The following MRPL1 variants were observed in gnomAD, a reference collection of about 807,000 sequenced individuals.
The protein encoded by MRPL1 is large ribosomal subunit protein uL1m.
MRPL1 carries 28 observed loss-of-function variants against 38.0 expected under a neutral mutation model. That is an observed-to-expected ratio of 0.74 (90% CI 0.55 to 1.01). MRPL1 has a LOEUF of 1.01. Ranked by LOEUF, MRPL1 falls within the 50% of genes least tolerant of loss-of-function variation. MRPL1 has a pLI of 0.00. For missense variants in MRPL1, 358 were observed against 389.8 expected, an observed-to-expected ratio of 0.92 and a Z score of 0.69; for synonymous variants, 123 against 126.7, an observed-to-expected ratio of 0.97 and a Z score of 0.20.
chr4:77,907,099 A>G, intron 6 of MRPL1: 2 of 985,396 alleles, frequency 2.0e-6, no homozygotes, highest in South Asian at 9.4e-5. Context: ...CATCTATGGA[A>G]GACTTGCTTG....
rs1388564321 is a variant in MRPL1 at position 77,949,781 on chromosome 4, T to C, written c.778-16T>C. 4 of 1,483,346 alleles carry C rather than the reference T, an allele frequency of 2.7e-6. No individual in the cohort carries two copies. The highest frequency in any genetic ancestry group is 3.8e-6 in the Non-Finnish European group (4 of 1,064,672). 91.9% of individuals were successfully genotyped at this position (1,483,346 alleles called of 1,614,324 possible). On this transcript the variant is annotated splice_polypyrimidine_tract_variant and intron_variant, in intron 7 of 8. Transcript: ENST00000315567. ...GCTTTCTCATCATTAATGTTATGTA[T>C]ATTATTTTCTTTCAGTTGGATATGT... is the stretch of plus-strand genomic sequence containing the variant.
intron 2 of MRPL1, among the ~76,000 whole-genome samples, chr4:77,881,491 T>A (rs1735540024): frequency 6.7e-6 from 1 of 148,944 alleles, no homozygotes; most frequent in Non-Finnish European, 1.5e-5. Context: ...GTCACCTACC[T>A]GGAGTGCACT....
At chr4:77,946,185 T>G (rs1737264403) in intron 7 of MRPL1, among the ~76,000 whole-genome samples, 3 of 152,112 alleles carry the variant, frequency 2.0e-5, no homozygotes, top group Admixed American at 2.0e-4. Context: ...GTCTTAATAT[T>G]TAAAAGAATT....
rs369561906 is a variant in MRPL1 at position 77,865,238 on chromosome 4, G to T, written c.31+2359G>T. ...TTATCAAATTTATATCTACAGTTGG[G>T]ATCACTCTTCTGAACTTTAGATTCT... On this transcript the variant is annotated intron_variant, in intron 1 of 8. Transcript: ENST00000315567. Among the ~76,000 whole-genome samples, 9 of 152,192 alleles carry T rather than the reference G, an allele frequency of 5.9e-5. No homozygotes were observed. The East Asian group carries it at 1.4e-3, about 23-fold the overall frequency.
At chr4:77,920,340 A>G (rs1250931259) in intron 7 of MRPL1, among the ~76,000 whole-genome samples, 1 of 152,230 alleles carries the variant, frequency 6.6e-6, no homozygotes, top group Admixed American at 6.5e-5. Flanking sequence ...ATTTTTTGAC[A>G]AATCATAAAA....
chr4:77,931,212 G>A (rs1294767304), intron 7 of MRPL1, among the ~76,000 whole-genome samples: 4 of 152,190 alleles, frequency 2.6e-5, no homozygotes, highest in Non-Finnish European at 5.9e-5. Flanking sequence ...ACGTGAACAC[G>A]AAGAACAGAA....
chr4:77,877,874 G>A (rs1012919066), intron 2 of MRPL1, among the ~76,000 whole-genome samples: 5 of 151,484 alleles, frequency 3.3e-5, no homozygotes, highest in African/African-American at 1.2e-4. Flanking sequence ...GTGTTTACCT[G>A]TGCCTTTTCC....
intron 7 of MRPL1, among the ~76,000 whole-genome samples, chr4:77,910,822 CATT>C: frequency 6.6e-6 from 1 of 152,270 alleles, no homozygotes; most frequent in Middle Eastern, 3.4e-3. Flanking sequence ...AGCTTGCCAT[CATT>C]ATCATCAAAG....
rs759737459 is a variant in MRPL1 at position 77,883,307 on chromosome 4, A to G, written c.209A>G (p.Glu70Gly). ...CCAGATGAGAAAAAAGATGAAATAG[A>G]AAAAATAAAAGCATATCCCTATATG... ...KTPDEKKDEI[E>G]KIKAYPYMEG... Residue 70 changes from glutamate to glycine, a missense_variant, in exon 3 of 9, where the codon GAA (glutamate) becomes GGA (glycine). By Grantham distance (98) the Glu-to-Gly change is moderately conservative. Transcript: ENST00000315567. 3.7e-6 allele frequency: 6 copies of G among 1,604,818 alleles called. No individual in the cohort carries two copies. The highest frequency in any genetic ancestry group is 5.1e-6 in the Non-Finnish European group (6 of 1,177,700).
intron 7 of MRPL1, among the ~76,000 whole-genome samples, chr4:77,911,286 G>T (rs1396002695): frequency 6.6e-6 from 1 of 152,046 alleles, no homozygotes; most frequent in Non-Finnish European, 1.5e-5. Context: ...AGTATATTTA[G>T]TAGTTAATAG....
At chr4:77,948,213 G>A (rs1340987444) in intron 7 of MRPL1, among the ~76,000 whole-genome samples, 1 of 152,106 alleles carries the variant, frequency 6.6e-6, no homozygotes, top group Non-Finnish European at 1.5e-5. Flanking sequence ...CTTTAGCGGG[G>A]GGTGTAGAAT....
intron 7 of MRPL1, among the ~76,000 whole-genome samples, chr4:77,941,267 GAAA>G (rs76939382): frequency 7.8e-6 from 1 of 128,006 alleles, no homozygotes; most frequent in Admixed American, 8.0e-5. Context: ...CTCTGCCTCA[GAAA>G]AAAAAAAAAA....
At chr4:77,887,882 T>C (rs1207080145) in intron 5 of MRPL1, among the ~76,000 whole-genome samples, 2 of 152,178 alleles carry the variant, frequency 1.3e-5, no homozygotes, top group South Asian at 2.1e-4. Context: ...ATTACTATTT[T>C]TCGCTTCTTT....
chr4:77,904,082 C>T (rs1357329024), intron 6 of MRPL1, among the ~76,000 whole-genome samples: 2 of 60,778 alleles, frequency 3.3e-5, no homozygotes, highest in Non-Finnish European at 6.0e-5. Context: ...CAAATCTCTA[C>T]TTAAAAAAAA....
At chr4:77,930,700 A>G (rs907699818) in intron 7 of MRPL1, among the ~76,000 whole-genome samples, 4 of 152,224 alleles carry the variant, frequency 2.6e-5, no homozygotes, top group Non-Finnish European at 4.4e-5. Flanking sequence ...TTATAATGGC[A>G]GGTAAGCTGA....
At chr4:77,907,809 C>T (rs1326017372) in intron 6 of MRPL1, among the ~76,000 whole-genome samples, 2 of 152,082 alleles carry the variant, frequency 1.3e-5, no homozygotes, top group Non-Finnish European at 2.9e-5. Context: ...AGTAATCTGC[C>T]CACCACGGCC....
chr4:77,900,383 A>G (rs1736005613), intron 6 of MRPL1, among the ~76,000 whole-genome samples: 1 of 152,210 alleles, frequency 6.6e-6, no homozygotes, highest in Non-Finnish European at 1.5e-5. Context: ...GCTGCACTAA[A>G]ATGCAATAAG....
intron 5 of MRPL1, among the ~76,000 whole-genome samples, chr4:77,892,212 AC>A (rs1264198815): frequency 6.6e-6 from 1 of 151,124 alleles, no homozygotes; most frequent in African/African-American, 2.4e-5. Flanking sequence ...GCTCACTGCA[AC>A]CTCCACCTCC....
At chr4:77,938,298 C>G (rs577028584) in intron 7 of MRPL1, among the ~76,000 whole-genome samples, 57 of 152,338 alleles carry the variant, frequency 3.7e-4, no homozygotes, top group African/African-American at 1.2e-3. Flanking sequence ...AGTATGCCAA[C>G]TCCTGTTTCA....
Sources: allele counts gnomAD v4.1 joint callset (sites outside exome capture counted in the v4.1 genomes callset), GRCh38; gene constraint gnomAD v4.1.1; transcripts MANE v1.5; gene names NCBI Gene and HGNC (gene_info 2026-07-23, HGNC 2026-07-21).